Variants in LRRC4C observed in about 807,000 individuals in gnomAD.
LRRC4C encodes leucine-rich repeat-containing protein 4C.
A neutral mutation model predicts 33.6 loss-of-function variants in LRRC4C; 5 were observed. The ratio of observed to expected loss-of-function variants is 0.15; its 90% CI spans 0.08 to 0.31. The LOEUF (loss-of-function observed/expected upper bound fraction) is 0.31. LRRC4C is among the 10% of genes least tolerant of loss of function. The pLI is 1.00. For missense variants in LRRC4C, 560 were observed against 796.7 expected, an observed-to-expected ratio of 0.70 and a Z score of 3.58; for synonymous variants, 329 against 302.0, an observed-to-expected ratio of 1.09 and a Z score of -0.93.
chr11:40,382,414 G>C (rs1358379870), intron 3 of LRRC4C, among the ~76,000 whole-genome samples: 1 of 151,570 alleles, frequency 6.6e-6, no homozygotes, highest in Non-Finnish European at 1.5e-5. Flanking sequence ...TATTTAAAAT[G>C]TACAACTAAA....
intron 2 of LRRC4C, among the ~76,000 whole-genome samples, chr11:40,886,573 T>G (rs1218902636): frequency 6.6e-6 from 1 of 151,908 alleles, no homozygotes; most frequent in Admixed American, 6.6e-5. Context: ...TTAAGGAGTT[T>G]ATCCTCAACT....
intron 1 of LRRC4C, among the ~76,000 whole-genome samples, chr11:41,320,520 C>T (rs1164039816): frequency 1.3e-5 from 2 of 152,164 alleles, no homozygotes; most frequent in African/African-American, 4.8e-5. Flanking sequence ...CTCCACGTAA[C>T]ACACACATAC....
intron 1 of LRRC4C, among the ~76,000 whole-genome samples, chr11:41,380,301 A>G (rs1039634070): frequency 6.6e-6 from 1 of 152,146 alleles, no homozygotes; most frequent in African/African-American, 2.4e-5. Flanking sequence ...ATCAAGAATC[A>G]CTTTTGCCAG....
intron 3 of LRRC4C, among the ~76,000 whole-genome samples, chr11:40,487,085 T>A (rs17484798): frequency 3.2e-4 from 48 of 152,170 alleles, no homozygotes; most frequent in African/African-American, 1.1e-3. Flanking sequence ...TTTCTGTGTG[T>A]GAGTTGGACT....
intron 1 of LRRC4C, among the ~76,000 whole-genome samples, chr11:41,096,679 C>A (rs1458733846): frequency 6.6e-6 from 1 of 152,096 alleles, no homozygotes; most frequent in South Asian, 2.1e-4. Flanking sequence ...GAGGAAGTGT[C>A]CTGTTTGCTG....
chr11:40,415,027 A>G (rs1021847412), intron 3 of LRRC4C, among the ~76,000 whole-genome samples: 4 of 152,182 alleles, frequency 2.6e-5, no homozygotes, highest in Non-Finnish European at 5.9e-5. Context: ...TGAAGATTTT[A>G]AACTCCTAGT....
At chr11:40,128,741 C>A (rs12577341) in intron 6 of LRRC4C, among the ~76,000 whole-genome samples, 52,751 of 151,802 alleles carry the variant, frequency 0.35, 9,804 homozygotes, top group East Asian at 0.51. Flanking sequence ...CTTGTTCCCG[C>A]CTCAGGACCT....
At chr11:40,714,408 G>A (rs11036034) in intron 2 of LRRC4C, among the ~76,000 whole-genome samples, 49,833 of 151,994 alleles carry the variant, frequency 0.33, 8,327 homozygotes, top group East Asian at 0.44. Context: ...ATCTCACAGC[G>A]TGCCTTGGAC....
chr11:41,093,831 T>C (rs764584681), intron 1 of LRRC4C, among the ~76,000 whole-genome samples: 2 of 148,182 alleles, frequency 1.3e-5, no homozygotes, highest in Non-Finnish European at 1.5e-5. Flanking sequence ...GTGGATCACA[T>C]CTATAATCCC....
rs528284953 is a variant in LRRC4C, at chr11:40,572,019, G to A, written c.-270+76123C>T. 2.6e-4 allele frequency among the ~76,000 whole-genome samples: 39 copies of A among 152,194 alleles called. No homozygotes were observed. In the South Asian group the frequency reaches 6.8e-3, roughly 27 times the overall value. ...CAAAGAATATTACCACAGGGTTTCCGTATTCCTTCCTTATAGTCCACCACT... is the reference window on the plus strand; with the variant it reads ...CAAAGAATATTACCACAGGGTTTCCATATTCCTTCCTTATAGTCCACCACT... On this transcript the variant is annotated intron_variant, in intron 3 of 6. Coordinates refer to ENST00000528697, the MANE Select transcript of LRRC4C (RefSeq NM_001258419.2).
Position 40,492,263 on chromosome 11 carries a change from T to A in LRRC4C, c.-270+155879A>T, listed in dbSNP as rs139849459. Among the ~76,000 whole-genome samples, 3 of 152,322 alleles carry A rather than the reference T, an allele frequency of 2.0e-5. No homozygotes were observed. In the East Asian group the frequency reaches 5.8e-4, roughly 29 times the overall value. ...TACGTTGTCAAATCTTTAATATTAC[T>A]TGAGTCATATTTCTAGAACCTTTTA... On this transcript the variant is annotated intron_variant, in intron 3 of 6. Transcript: ENST00000528697.
intron 3 of LRRC4C, among the ~76,000 whole-genome samples, chr11:40,606,093 G>A (rs1960558492): frequency 6.6e-6 from 1 of 152,192 alleles, no homozygotes; most frequent in South Asian, 2.1e-4. Context: ...GGTAAGAGAA[G>A]AGTAAAGTGT....
At chr11:41,166,711 T>C (rs368196775) in intron 1 of LRRC4C, among the ~76,000 whole-genome samples, 14 of 152,316 alleles carry the variant, frequency 9.2e-5, no homozygotes, top group East Asian at 7.7e-4. Flanking sequence ...GGATTTATAT[T>C]TGCCACTGTT....
At chr11:41,399,311 CG>C (rs1281321857) in intron 1 of LRRC4C, among the ~76,000 whole-genome samples, 2 of 151,836 alleles carry the variant, frequency 1.3e-5, no homozygotes, top group African/African-American at 4.8e-5. Flanking sequence ...GGGGTGAAAA[CG>C]CAACTTTTTG....
At chr11:41,093,927 C>CAAAAAAAAAAAAAAA (rs56173087) in intron 1 of LRRC4C, among the ~76,000 whole-genome samples, 1 of 59,002 alleles carries the variant, frequency 1.7e-5, no homozygotes, top group Non-Finnish European at 3.1e-5. Flanking sequence ...CCGTCTCCAC[C>CAAAAAAAAAAAAAAA]AAAAAAAAAA....
At chr11:41,059,200 T>TAAAATA (rs1364638910) in intron 1 of LRRC4C, among the ~76,000 whole-genome samples, 2 of 84,578 alleles carry the variant, frequency 2.4e-5, no homozygotes, top group Non-Finnish European at 5.2e-5. Flanking sequence ...CTCCTGATAC[T>TAAAATA]AAAATAAAAG....
chr11:41,038,723 CAT>C (rs1857243143), intron 1 of LRRC4C, among the ~76,000 whole-genome samples: 1 of 152,134 alleles, frequency 6.6e-6, no homozygotes, highest in Non-Finnish European at 1.5e-5. Context: ...AAACTAGAAA[CAT>C]GTGCACACAC....
intron 1 of LRRC4C, among the ~76,000 whole-genome samples, chr11:41,431,718 A>C (rs1456290083): frequency 6.6e-6 from 1 of 152,090 alleles, no homozygotes; most frequent in African/African-American, 2.4e-5. Context: ...TTGAGGACTG[A>C]TAGAACTACC....
intron 3 of LRRC4C, among the ~76,000 whole-genome samples, chr11:40,510,269 C>T (rs1167370375): frequency 2.0e-5 from 3 of 150,528 alleles, no homozygotes; most frequent in Non-Finnish European, 4.4e-5. Context: ...TTCTGAACTA[C>T]TGACCTAATA....
Sources: gnomAD v4.1 joint callset for allele counts (sites outside exome capture counted in the v4.1 genomes callset) on GRCh38, gnomAD v4.1.1 for gene constraint, MANE v1.5 for transcripts, NCBI Gene and HGNC (gene_info 2026-07-23, HGNC 2026-07-21) for gene names.